TNFSF15: variants seen among roughly 807,000 people sequenced by gnomAD.
The protein encoded by TNFSF15 is TNF superfamily member 15.
Under a neutral mutation model 26.4 loss-of-function variants are expected in TNFSF15, and 15 were observed. That is an observed-to-expected ratio of 0.57 (90% CI 0.38 to 0.87). The LOEUF is 0.87. Ranked by LOEUF, TNFSF15 falls within the 40% of genes least tolerant of loss-of-function variation. The pLI is 0.00. For synonymous variants in TNFSF15, 116 were observed against 115.0 expected, an observed-to-expected ratio of 1.01 and a Z score of -0.06; for missense variants, 290 against 306.1, an observed-to-expected ratio of 0.95 and a Z score of 0.39.
intron 3 of TNFSF15, chr9:114,791,327 C>A: frequency 4.0e-6 from 1 of 249,724 alleles, no homozygotes; most frequent in South Asian, 8.3e-5. Flanking sequence ...AGGCCAGGCA[C>A]CAGACCCTTC....
chr9:114,785,212 T>C lies in TNFSF15; in HGVS notation c.*5240A>G, dbSNP rs750391376. 3 of 152,284 alleles carry C rather than the reference T, an allele frequency of 2.0e-5. No homozygotes were observed. Among genetic ancestry groups the C allele is most frequent in the Non-Finnish European group, 4.4e-5 (3 of 68,050 alleles). 9.4% of individuals were successfully genotyped at this position (152,284 alleles called of 1,614,324 possible). On this transcript the variant is annotated 3_prime_UTR_variant, in exon 4 of 4. Coordinates refer to ENST00000374045, the MANE Select transcript of TNFSF15 (RefSeq NM_005118.4). ...CATCCAACTAGCTACTGTCTGGCACTGGCCACGAAGGGTGACAGGGTGTGG... is the reference window on the plus strand; with the variant it reads ...CATCCAACTAGCTACTGTCTGGCACCGGCCACGAAGGGTGACAGGGTGTGG...
In TNFSF15 at chr9:114,792,439, G is replaced by T. The variant is rs1159774940; in HGVS notation, c.269C>A (p.Ala90Glu). The T allele has an allele frequency of 6.2e-6, 10 of 1,614,024 alleles. No individual in the cohort carries two copies. The highest frequency in any genetic ancestry group is 8.5e-6 in the Non-Finnish European group (10 of 1,179,998). Residue 90 changes from alanine (A) to glutamate (E), a missense_variant, in exon 3 of 4, where the codon GCA becomes GAA. Ala to Glu is a moderately radical substitution (Grantham distance 107). Coordinates refer to ENST00000374045, the MANE Select transcript of TNFSF15 (RefSeq NM_005118.4). ...GTGTGCCCTTGGCTTATCTCCGTCT[G>T]CTCTAAGAGGTGCATCTGTAACAAA... ...SHQQVYAPLR[A>E]DGDKPRAHLT...
In TNFSF15 at chr9:114,785,492, T is replaced by C. The variant is rs10114470; in HGVS notation, c.*4960A>G. 0.75 allele frequency: 113,754 copies of C among 152,176 alleles called. 43,319 individuals carry two copies. The highest frequency in any genetic ancestry group is 0.89 in the African/African-American group (36,971 of 41,536). 9.4% of individuals were successfully genotyped at this position (152,176 alleles called of 1,614,324 possible). On this transcript the variant is annotated 3_prime_UTR_variant, in exon 4 of 4. Coordinates refer to ENST00000374045, the MANE Select transcript of TNFSF15 (RefSeq NM_005118.4). Reference sequence around the variant, plus strand: ...GTCAATGAACAAAAGGCCACATAATTATAGATTTGAAAAAGACCTCAGAGA... The same window carrying C: ...GTCAATGAACAAAAGGCCACATAATCATAGATTTGAAAAAGACCTCAGAGA...
At chr9:114,796,622 G>C (rs1319840910) in intron 1 of TNFSF15, among the ~76,000 whole-genome samples, 1 of 152,202 alleles carries the variant, frequency 6.6e-6, no homozygotes, top group Non-Finnish European at 1.5e-5. Flanking sequence ...AGGTCCTGCA[G>C]GTACTAGCCA....
At chr9:114,798,167 A>AGATTTGTT (rs779698576) in intron 1 of TNFSF15, among the ~76,000 whole-genome samples, 19 of 152,326 alleles carry the variant, frequency 1.2e-4, no homozygotes, top group Middle Eastern at 3.4e-3. Flanking sequence ...GGCTCTAGAA[A>AGATTTGTT]GATTTGTTGT....
In TNFSF15 at chr9:114,790,042, T is replaced by C. The variant is rs1481205838; in HGVS notation, c.*410A>G. The C allele has an allele frequency of 6.4e-6, 1 of 156,774 alleles. No individual in the cohort carries two copies. The allele number at this position is 156,774 out of a possible 1,614,324, so 9.7% of individuals were successfully genotyped here. Reference sequence around the variant, plus strand: ...TTTCTAGAGCTTTCCTTGGACTTCCTTCAAAGCTCCTGAATTGAAGCAAAT... The same window carrying C: ...TTTCTAGAGCTTTCCTTGGACTTCCCTCAAAGCTCCTGAATTGAAGCAAAT... On this transcript the variant is annotated 3_prime_UTR_variant, in exon 4 of 4. Coordinates refer to ENST00000374045, the MANE Select transcript of TNFSF15 (RefSeq NM_005118.4).
Position 114,786,306 on chromosome 9 carries a change from A to G in TNFSF15, c.*4146T>C, listed in dbSNP as rs1829498985. 6.6e-6 allele frequency: 1 copy of G among 152,258 alleles called. No individual in the cohort carries two copies. Among genetic ancestry groups the G allele is most frequent in the Non-Finnish European group, 1.5e-5 (1 of 68,050 alleles). 9.4% of individuals were successfully genotyped at this position (152,258 alleles called of 1,614,324 possible). A position where few individuals can be genotyped will look rare whatever the true frequency, so the allele number is the denominator to read the frequency against. ...TGTTTTTAAGGTACAGAATATAAACAGTTCTGTCTTGCAGAATTAATCCCC... is the reference window on the plus strand; with the variant it reads ...TGTTTTTAAGGTACAGAATATAAACGGTTCTGTCTTGCAGAATTAATCCCC... On this transcript the variant is annotated 3_prime_UTR_variant, in exon 4 of 4. Coordinates refer to ENST00000374045, the MANE Select transcript of TNFSF15 (RefSeq NM_005118.4).
At chr9:114,804,843 G>T (rs55794730) in intron 1 of TNFSF15, among the ~76,000 whole-genome samples, 4,770 of 152,258 alleles carry the variant, frequency 0.031, 112 homozygotes, top group Non-Finnish European at 0.05. Flanking sequence ...AACTGGCCAG[G>T]ATTGCTTAGA....
rs559176713 is a variant in TNFSF15 at position 114,798,538 on chromosome 9, G to C, written c.211-4970C>G. On this transcript the variant is annotated intron_variant, in intron 1 of 3. Coordinates refer to ENST00000374045, the MANE Select transcript of TNFSF15 (RefSeq NM_005118.4). ...TCCCCAGGTGCCAGGTCCTGTATTG[G>C]GCATTTATGTGTTTGCCTCATCTAA... Among the ~76,000 whole-genome samples the C allele has an allele frequency of 2.0e-5, 3 of 152,156 alleles. No individual in the cohort carries two copies. In the South Asian group the frequency reaches 6.2e-4, roughly 32 times the overall value.
chr9:114,805,750 C>A, intron 1 of TNFSF15, 53 bp downstream of exon 1: 10 of 1,548,480 alleles, frequency 6.5e-6, no homozygotes, highest in Non-Finnish European at 8.9e-6. Flanking sequence ...AGTTGCCACT[C>A]ACTGCAGAGA....
intron 1 of TNFSF15, among the ~76,000 whole-genome samples, chr9:114,797,041 CAG>C (rs1426962534): frequency 6.6e-6 from 1 of 152,184 alleles, no homozygotes; most frequent in African/African-American, 2.4e-5. Context: ...CAAAGAGAAT[CAG>C]AGAGATCTTG....
intron 1 of TNFSF15, among the ~76,000 whole-genome samples, chr9:114,802,150 A>C (rs1363926872): frequency 6.6e-6 from 1 of 152,230 alleles, no homozygotes; most frequent in African/African-American, 2.4e-5. Context: ...TGTGATGTGC[A>C]TCACATTCTG....
rs1829570573 is a variant in TNFSF15, at chr9:114,790,112, A to G, written c.*340T>C. ...TAACTGGACCACTGGTGACCATTGT[A>G]TAGCAGGAAGGTGTTGAAATATTTC... On this transcript the variant is annotated 3_prime_UTR_variant, in exon 4 of 4. Transcript: ENST00000374045. 5.4e-6 allele frequency: 1 copy of G among 186,092 alleles called. No homozygotes were observed. The highest frequency in any genetic ancestry group is 2.3e-5 in the African/African-American group (1 of 42,568). The allele number at this position is 186,092 out of a possible 1,614,324, so 11.5% of individuals were successfully genotyped here. A position where few individuals can be genotyped will look rare whatever the true frequency, so the allele number is the denominator to read the frequency against.
chr9:114,792,615 A>AC (rs1328120107), intron 2 of TNFSF15, 161 bp from the exon 3 acceptor site: 17 of 1,477,906 alleles, frequency 1.2e-5, no homozygotes, highest in Middle Eastern at 4.8e-4. Context: ...GGAATGTGGC[A>AC]CCCGCAGCAA....
chr9:114,790,804 G>A lies in TNFSF15; in HGVS notation c.404C>T (p.Thr135Ile). 6.2e-7 allele frequency: 1 copy of A among 1,614,090 alleles called. No individual in the cohort carries two copies. Among genetic ancestry groups the A allele is most frequent in the Non-Finnish European group, 8.5e-7 (1 of 1,180,022 alleles). ...CTCTGGGATCAGCAGGAATTTGTTG[G>A]TATAGTTCATTCGGTTCTTGGTGAA... is the stretch of plus-strand genomic sequence containing the variant. Reference protein sequence around the residue: ...LAFTKNRMNYTNKFLLIPESG... With the variant: ...LAFTKNRMNYINKFLLIPESG... Residue 135 changes from threonine to isoleucine, a missense_variant, in exon 4 of 4, where the codon ACC (threonine) becomes ATC (isoleucine). Coordinates refer to ENST00000374045, the MANE Select transcript of TNFSF15 (RefSeq NM_005118.4).
At position 114,790,183 on chromosome 9, in the gene TNFSF15, A is replaced by G; in HGVS notation, c.*269T>C. On this transcript the variant is annotated 3_prime_UTR_variant, in exon 4 of 4. Coordinates refer to ENST00000374045, the MANE Select transcript of TNFSF15 (RefSeq NM_005118.4). ...TAGATCATCCATTCATTTAGTGATC[A>G]GTGTCTTAATATTTAGAAACTCGCC... The G allele has an allele frequency of 3.1e-6, 1 of 323,686 alleles. No homozygotes were observed. Among genetic ancestry groups the G allele is most frequent in the Non-Finnish European group, 5.7e-6 (1 of 176,406 alleles). The allele number at this position is 323,686 out of a possible 1,614,324, so 20.1% of individuals were successfully genotyped here. A position where few individuals can be genotyped will look rare whatever the true frequency, so the allele number is the denominator to read the frequency against.
intron 1 of TNFSF15, among the ~76,000 whole-genome samples, chr9:114,803,198 T>C (rs1587902569): frequency 1.3e-5 from 2 of 152,118 alleles, no homozygotes; most frequent in Non-Finnish European, 2.9e-5. Context: ...TCTGTTGAAA[T>C]AGCCTATTTC....
chr9:114,790,773 T>C lies in TNFSF15; in HGVS notation c.435A>G (p.Gly145=), dbSNP rs1416694839. The part of the protein sequence containing the change: ...TNKFLLIPES[G]DYFIYSQVTF... ...TGACCTGGGAGTAAATGAAGTAGTC[T>C]CCCGACTCTGGGATCAGCAGGAATT... is the stretch of plus-strand genomic sequence containing the variant. The change falls in exon 4 of 4, where the codon GGA becomes GGG. Residue 145 remains glycine (G), a synonymous_variant. Transcript: ENST00000374045. 1 of 1,614,020 alleles carries C rather than the reference T, an allele frequency of 6.2e-7. No individual in the cohort carries two copies.
In TNFSF15 at chr9:114,805,985, C is replaced by CA; in HGVS notation, c.27dup (p.Gly10TrpfsTer80). 6.2e-7 allele frequency: 1 copy of CA among 1,613,992 alleles called. No homozygotes were observed. Among genetic ancestry groups the CA allele is most frequent in the Non-Finnish European group, 8.5e-7 (1 of 1,180,016 alleles). Reference sequence around the variant, plus strand: ...AGCATTTCCACACTGGCTGTTTCCCCAAAGCTCAGTCCCAGATCCTCGGCC... The same window carrying CA: ...AGCATTTCCACACTGGCTGTTTCCCCAAAAGCTCAGTCCCAGATCCTCGGCC... On this transcript the variant is annotated frameshift_variant, in exon 1 of 4. Transcript: ENST00000374045. LOFTEE classifies it high-confidence loss of function.
Sources: allele counts gnomAD v4.1 joint callset (sites outside exome capture counted in the v4.1 genomes callset), GRCh38; gene constraint gnomAD v4.1.1; transcripts MANE v1.5; gene names NCBI Gene and HGNC (gene_info 2026-07-23, HGNC 2026-07-21).